The following ASAP1 variants were observed in gnomAD, a reference collection of about 807,000 sequenced individuals.
ASAP1 encodes the protein ArfGAP with SH3 domain, ankyrin repeat and PH domain 1.
Under a neutral mutation model 145.2 loss-of-function variants are expected in ASAP1, and 43 were observed. The ratio of observed to expected loss-of-function variants is 0.30; its 90% CI spans 0.23 to 0.38. ASAP1 has a LOEUF of 0.38. Among genes scored for constraint, ASAP1 ranks in the 10% least tolerant of loss-of-function variants. The pLI, the probability that ASAP1 is intolerant of heterozygous loss-of-function variation, is 1.00. For missense variants in ASAP1, 1,018 were observed against 1,355.3 expected, an observed-to-expected ratio of 0.75 and a Z score of 3.91; for synonymous variants, 546 against 515.5, an observed-to-expected ratio of 1.06 and a Z score of -0.80.
chr8:130,430,860 C>G (rs926429877), intron 1 of ASAP1, among the ~76,000 whole-genome samples: 2 of 152,112 alleles, frequency 1.3e-5, no homozygotes, highest in African/African-American at 4.8e-5. Flanking sequence ...GCAAGGACTT[C>G]GGGAAAAACA....
At chr8:130,107,515 AATGTATGTATGT>A (rs71302393) in intron 24 of ASAP1, among the ~76,000 whole-genome samples, 2,062 of 101,748 alleles carry the variant, frequency 0.02, 31 homozygotes, top group East Asian at 0.11. Context: ...TTTTTTAAAA[AATGTATGTATGT>A]ATGTATGTAT....
intron 3 of ASAP1, among the ~76,000 whole-genome samples, chr8:130,337,363 C>G (rs868286014): frequency 3.3e-5 from 5 of 152,320 alleles, no homozygotes; most frequent in South Asian, 2.1e-4. Context: ...GTACCACCAA[C>G]CACCTGCATT....
chr8:130,284,779 T>TC (rs1456156727), intron 3 of ASAP1, among the ~76,000 whole-genome samples: 3 of 149,694 alleles, frequency 2.0e-5, no homozygotes, highest in Non-Finnish European at 3.0e-5. Flanking sequence ...TAATATTCCC[T>TC]CCCCCCATAA....
At chr8:130,078,478 G>A (rs1230542309) in intron 26 of ASAP1, among the ~76,000 whole-genome samples, 2 of 151,806 alleles carry the variant, frequency 1.3e-5, no homozygotes, top group Non-Finnish European at 2.9e-5. Flanking sequence ...AGGAAGCAAG[G>A]TCTTGCTATG....
At chr8:130,391,287 A>G (rs956621948) in intron 2 of ASAP1, among the ~76,000 whole-genome samples, 1 of 152,230 alleles carries the variant, frequency 6.6e-6, no homozygotes, top group African/African-American at 2.4e-5. Flanking sequence ...GAGAGGGAAG[A>G]GAAGGAGTTG....
chr8:130,298,914 A>C (rs1586782178), intron 3 of ASAP1, among the ~76,000 whole-genome samples: 2 of 152,318 alleles, frequency 1.3e-5, no homozygotes, highest in Middle Eastern at 3.4e-3. Context: ...TACAGGTATT[A>C]GGGCGGCAGA....
At chr8:130,288,739 C>T (rs1821769784) in intron 3 of ASAP1, among the ~76,000 whole-genome samples, 1 of 152,152 alleles carries the variant, frequency 6.6e-6, no homozygotes, top group Non-Finnish European at 1.5e-5. Flanking sequence ...GGTAATCTGC[C>T]CCAGTAATCT....
chr8:130,200,696 C>G (rs1158762278), intron 5 of ASAP1, among the ~76,000 whole-genome samples: 1 of 152,114 alleles, frequency 6.6e-6, no homozygotes, highest in African/African-American at 2.4e-5. Flanking sequence ...TAGTCTTTTT[C>G]TCCCTACATT....
At chr8:130,301,835 T>A (rs1435312173) in intron 3 of ASAP1, among the ~76,000 whole-genome samples, 1 of 152,250 alleles carries the variant, frequency 6.6e-6, no homozygotes, top group Non-Finnish European at 1.5e-5. Flanking sequence ...TAGATTTCAT[T>A]AATGTTTACC....
At position 130,172,025 on chromosome 8, in the gene ASAP1, G is replaced by C. The variant is rs1165000529; in HGVS notation, c.747-2958C>G. Among the ~76,000 whole-genome samples the C allele has an allele frequency of 2.0e-5, 3 of 152,100 alleles. No homozygotes were observed. In the East Asian group the frequency reaches 5.8e-4, roughly 29 times the overall value. On this transcript the variant is annotated intron_variant, in intron 9 of 29. Coordinates refer to ENST00000518721, the MANE Select transcript of ASAP1 (RefSeq NM_018482.4). The stretch of plus-strand genomic sequence containing the variant: ...ACAACAGAAGAAGCAATGGCTTTGG[G>C]GTCAGATGATTATGACCAAGAATCT...
At chr8:130,297,721 A>T (rs1024586658) in intron 3 of ASAP1, among the ~76,000 whole-genome samples, 1 of 151,982 alleles carries the variant, frequency 6.6e-6, no homozygotes, top group Non-Finnish European at 1.5e-5. Flanking sequence ...AAGAAAACAA[A>T]GCGGGGGGGC....
intron 1 of ASAP1, among the ~76,000 whole-genome samples, chr8:130,431,407 C>G (rs1332233222): frequency 6.6e-6 from 1 of 152,222 alleles, no homozygotes; most frequent in Non-Finnish European, 1.5e-5. Context: ...CTCAACACAT[C>G]CTACCTCAAA....
chr8:130,319,242 A>G (rs967070417), intron 3 of ASAP1, among the ~76,000 whole-genome samples: 3 of 152,244 alleles, frequency 2.0e-5, no homozygotes, highest in African/African-American at 4.8e-5. Context: ...ATTGGATCAC[A>G]TAGCCAGAAC....
intron 1 of ASAP1, among the ~76,000 whole-genome samples, chr8:130,413,946 T>C (rs1230595853): frequency 1.3e-5 from 2 of 152,228 alleles, no homozygotes; most frequent in African/African-American, 4.8e-5. Flanking sequence ...CAGTTGCCTA[T>C]GAGGAGCCCA....
At chr8:130,091,900 A>G in intron 25 of ASAP1, 73 bp downstream of exon 25, 1 of 1,418,550 alleles carries the variant, frequency 7.0e-7, no homozygotes, top group Non-Finnish European at 9.3e-7. Context: ...ATGTGCTAAC[A>G]GGCCACTGCC....
intron 26 of ASAP1, among the ~76,000 whole-genome samples, chr8:130,078,000 T>A (rs1183761452): frequency 6.6e-6 from 1 of 151,862 alleles, no homozygotes; most frequent in Admixed American, 6.5e-5. Context: ...AACTTTTTTT[T>A]TTTTTTTTTG....
chr8:130,054,653 T>A lies in ASAP1; in HGVS notation c.*78A>T. The stretch of plus-strand genomic sequence containing the variant: ...TTCTTACTCTGTAACAGCAGCTATA[T>A]ACACACTGTGCCCAGGGTTACATGA... On this transcript the variant is annotated 3_prime_UTR_variant, in exon 30 of 30. Coordinates refer to ENST00000518721, the MANE Select transcript of ASAP1 (RefSeq NM_018482.4). 1 of 1,273,788 alleles carries A rather than the reference T, an allele frequency of 7.9e-7. No homozygotes were observed. The allele number at this position is 1,273,788 out of a possible 1,614,324, so 78.9% of individuals were successfully genotyped here.
At chr8:130,072,825 G>GCGCGCGCGCGCGCGCA (rs1554816409) in intron 27 of ASAP1, among the ~76,000 whole-genome samples, 1 of 54,098 alleles carries the variant, frequency 1.8e-5, no homozygotes, top group Non-Finnish European at 3.6e-5. Context: ...GTGTGTGTGT[G>GCGCGCGCGCGCGCGCA]CGCGCGGGGG....
At chr8:130,286,363 C>T (rs183912271) in intron 3 of ASAP1, among the ~76,000 whole-genome samples, 15 of 150,610 alleles carry the variant, frequency 1.0e-4, no homozygotes, top group South Asian at 2.1e-4. Context: ...TATCTCACTG[C>T]GTATATGACA....
Sources: allele counts gnomAD v4.1 joint callset (sites outside exome capture counted in the v4.1 genomes callset), GRCh38; gene constraint gnomAD v4.1.1; transcripts MANE v1.5; gene names NCBI Gene and HGNC (gene_info 2026-07-23, HGNC 2026-07-21).